The following ZBTB7A variants were observed in gnomAD, a reference collection of about 807,000 sequenced individuals.
ZBTB7A encodes zinc finger and BTB domain containing 7A.
Under a neutral mutation model 26.7 loss-of-function variants are expected in ZBTB7A, and 7 were observed. That is an observed-to-expected ratio of 0.26 (90% CI 0.15 to 0.49). The LOEUF is 0.49. Among genes scored for constraint, ZBTB7A ranks in the 20% least tolerant of loss-of-function variants. ZBTB7A has a pLI of 0.98. For missense variants in ZBTB7A, 617 were observed against 919.5 expected, an observed-to-expected ratio of 0.67 and a Z score of 4.25; for synonymous variants, 452 against 441.0, an observed-to-expected ratio of 1.02 and a Z score of -0.31.
At position 4,047,626 on chromosome 19, in the gene ZBTB7A, T is replaced by G. The variant is rs905541452; in HGVS notation, c.*126A>C. On this transcript the variant is annotated 3_prime_UTR_variant, in exon 3 of 3. Transcript: ENST00000322357. The stretch of plus-strand genomic sequence containing the variant: ...ATATATATATATCTGTATATATATA[T>G]ATAGATATAGATATCTGTATATAGA... 9.8e-6 allele frequency: 8 copies of G among 818,846 alleles called. No homozygotes were observed. Among genetic ancestry groups the G allele is most frequent in the African/African-American group, 3.7e-5 (2 of 54,476 alleles). The allele number at this position is 818,846 out of a possible 1,614,324, so 50.7% of individuals were successfully genotyped here. A position where few individuals can be genotyped will look rare whatever the true frequency, so the allele number is the denominator to read the frequency against.
chr19:4,044,072 C>A lies in ZBTB7A; in HGVS notation c.*3680G>T, dbSNP rs1421095200. The stretch of plus-strand genomic sequence containing the variant: ...CCCCGAGGCCCCTGCCTCAGTGTCA[C>A]CACCTGTGAGGTGACCGCTCCTGCC... On this transcript the variant is annotated 3_prime_UTR_variant, in exon 3 of 3. Coordinates refer to ENST00000322357, the MANE Select transcript of ZBTB7A (RefSeq NM_015898.4). Among the ~76,000 whole-genome samples, 6 of 152,050 alleles carry A rather than the reference C, an allele frequency of 3.9e-5. No individual in the cohort carries two copies. Among genetic ancestry groups the A allele is most frequent in the African/African-American group, 1.4e-4 (6 of 41,406 alleles).
At chr19:4,062,552 G>C (rs1164106426) in intron 1 of ZBTB7A, 4 of 152,266 alleles carry the variant, frequency 2.6e-5, no homozygotes, top group Non-Finnish European at 5.9e-5. Flanking sequence ...ATTTGAGCAC[G>C]GGCCGTCTGT....
rs572397920 is a variant in ZBTB7A, at chr19:4,049,760, CA to C, written c.1263-1517del. 6.3e-3 allele frequency among the ~76,000 whole-genome samples: 961 copies of C among 152,294 alleles called. 10 individuals are homozygous for C. Among genetic ancestry groups the C allele is most frequent in the African/African-American group, 0.022 (934 of 41,560 alleles). The stretch of plus-strand genomic sequence containing the variant: ...CCTATCTGGGCTCCACCCTGACGTG[CA>C]AAGGTGCAAAGCACAAGCTACGCTG... On this transcript the variant is annotated intron_variant, in intron 2 of 2. Coordinates refer to ENST00000322357, the MANE Select transcript of ZBTB7A (RefSeq NM_015898.4).
In ZBTB7A at chr19:4,054,933, G is replaced by A. The variant is rs2040561156; in HGVS notation, c.300C>T (p.Ser100=). 1 of 1,611,538 alleles carries A rather than the reference G, an allele frequency of 6.2e-7. No homozygotes were observed. Among genetic ancestry groups the A allele is most frequent in the African/African-American group, 1.3e-5 (1 of 74,902 alleles). ...DFAYTATLTV[S]TANVGDILSA... ...TGAGGATGTCACCCACGTTGGCTGTGCTGACGGTGAGCGTGGCCGTGTAGG... is the reference window on the plus strand; with the variant it reads ...TGAGGATGTCACCCACGTTGGCTGTACTGACGGTGAGCGTGGCCGTGTAGG... The change falls in exon 2 of 3, where the codon AGC becomes AGT. Residue 100 remains serine, a synonymous_variant. Coordinates refer to ENST00000322357, the MANE Select transcript of ZBTB7A (RefSeq NM_015898.4).
chr19:4,049,162 GTGTGTGTATATATATATATATATATATA>G (rs1178333815), intron 2 of ZBTB7A, among the ~76,000 whole-genome samples: 1 of 18,440 alleles, frequency 5.4e-5, no homozygotes, highest in African/African-American at 9.9e-5. Context: ...GTGTGTGTGT[GTGTGTGTATATATATATATATATATATA>G]TATATATATA....
At position 4,044,681 on chromosome 19, in the gene ZBTB7A, T is replaced by C. The variant is rs2040391557; in HGVS notation, c.*3071A>G. On this transcript the variant is annotated 3_prime_UTR_variant, in exon 3 of 3. Transcript: ENST00000322357. ...TTTCGCATTGTTTTTCTTTTTTTTT[T>C]TTCTCTTTTTTTTTTTGTACCAGGC... The C allele has an allele frequency of 6.9e-6, 1 of 145,578 alleles. No individual in the cohort carries two copies. Among genetic ancestry groups the C allele is most frequent in the South Asian group, 2.1e-4 (1 of 4,774 alleles). 9.0% of individuals were successfully genotyped at this position (145,578 alleles called of 1,614,324 possible).
chr19:4,059,981 C>T (rs948982893), intron 1 of ZBTB7A, among the ~76,000 whole-genome samples: 2 of 152,222 alleles, frequency 1.3e-5, no homozygotes, highest in African/African-American at 2.4e-5. Context: ...CCAGGAAGCC[C>T]CGGCCCCACG....
intron 2 of ZBTB7A, among the ~76,000 whole-genome samples, chr19:4,049,846 TCA>T (rs943416020): frequency 1.3e-5 from 2 of 152,184 alleles, no homozygotes; most frequent in Admixed American, 6.5e-5. Context: ...TCCTGGATCT[TCA>T]CAGTCAAATT....
chr19:4,048,637 C>G lies in ZBTB7A; in HGVS notation c.1263-393G>C, dbSNP rs2095365145. Among the ~76,000 whole-genome samples the G allele has an allele frequency of 6.6e-6, 1 of 151,786 alleles. No homozygotes were observed. Among genetic ancestry groups the G allele is most frequent in the South Asian group, 2.1e-4 (1 of 4,800 alleles). On this transcript the variant is annotated intron_variant, in intron 2 of 2. Coordinates refer to ENST00000322357, the MANE Select transcript of ZBTB7A (RefSeq NM_015898.4). The surrounding 1 kb of genome is among the most constrained non-coding windows in gnomAD (Gnocchi z 6.7). ...CTTGAGGCCAGGAGTTCGAGACCAGCCTGATCGACACGGTGAAACCCTGTC... is the reference window on the plus strand; with the variant it reads ...CTTGAGGCCAGGAGTTCGAGACCAGGCTGATCGACACGGTGAAACCCTGTC...
intron 2 of ZBTB7A, among the ~76,000 whole-genome samples, chr19:4,049,188 A>ATG: frequency 3.5e-5 from 1 of 28,740 alleles, no homozygotes; most frequent in South Asian, 1.1e-3. Context: ...ATATATATAT[A>ATG]TATATATATA....
In ZBTB7A at chr19:4,047,336, T is replaced by TC. The variant is rs142143832; in HGVS notation, c.*415dup. 0.2 allele frequency: 29,335 copies of TC among 150,212 alleles called. 3,024 individuals carry two copies. The highest frequency in any genetic ancestry group is 0.27 in the African/African-American group (11,197 of 40,846). The allele number at this position is 150,212 out of a possible 1,614,324, so 9.3% of individuals were successfully genotyped here. On this transcript the variant is annotated 3_prime_UTR_variant, in exon 3 of 3. Coordinates refer to ENST00000322357, the MANE Select transcript of ZBTB7A (RefSeq NM_015898.4). Reference sequence around the variant, plus strand: ...GGAGGAAATTAAAAGCCCACCCCAGTCCCCCCCCAGCGCCCCCACGTCTAC... The same window carrying TC: ...GGAGGAAATTAAAAGCCCACCCCAGTCCCCCCCCCAGCGCCCCCACGTCTAC...
At position 4,063,346 on chromosome 19, in the gene ZBTB7A, T is replaced by A. The variant is rs115600503; in HGVS notation, c.-16+3336A>T. On this transcript the variant is annotated intron_variant, in intron 1 of 2. Transcript: ENST00000322357. Reference sequence around the variant, plus strand: ...CCCTTGAGGAGCCCTCCTTGGAGCATCTGGGCTGCAGTGGGCTGGCTCTGG... The same window carrying A: ...CCCTTGAGGAGCCCTCCTTGGAGCAACTGGGCTGCAGTGGGCTGGCTCTGG... Among the ~76,000 whole-genome samples, 587 of 152,276 alleles carry A rather than the reference T, an allele frequency of 3.9e-3. 5 individuals are homozygous for A. Among genetic ancestry groups the A allele is most frequent in the African/African-American group, 0.014 (565 of 41,554 alleles).
chr19:4,049,168 G>GTGTGTGTATATATATATA (rs1403864466), intron 2 of ZBTB7A, among the ~76,000 whole-genome samples: 2 of 14,960 alleles, frequency 1.3e-4, no homozygotes, highest in Non-Finnish European at 2.3e-4. Context: ...GTGTGTGTGT[G>GTGTGTGTATATATATATA]TATATATATA....
rs1193596159 is a variant in ZBTB7A at position 4,052,745 on chromosome 19, T to C, written c.1262+1226A>G. On this transcript the variant is annotated intron_variant, in intron 2 of 2. Transcript: ENST00000322357. This position sits in a 1 kb window ranked among gnomAD's most constrained non-coding sequence, Gnocchi z 4.9. ...GCCCAGCCAGCCACCTCTGGACTCC[T>C]GAGACCGAATTGCAAACTGCCCGGG... 6.6e-6 allele frequency among the ~76,000 whole-genome samples: 1 copy of C among 152,090 alleles called. No homozygotes were observed. The highest frequency in any genetic ancestry group is 2.4e-5 in the African/African-American group (1 of 41,434).
At chr19:4,057,056 A>C (rs909674907) in intron 1 of ZBTB7A, among the ~76,000 whole-genome samples, 1 of 147,534 alleles carries the variant, frequency 6.8e-6, no homozygotes, top group Non-Finnish European at 1.5e-5. Context: ...AAGAAAAAGA[A>C]AAAAAAAAAG....
intron 1 of ZBTB7A, among the ~76,000 whole-genome samples, chr19:4,057,571 T>C (rs2040593583): frequency 6.6e-6 from 1 of 151,848 alleles, no homozygotes; most frequent in Non-Finnish European, 1.5e-5. Flanking sequence ...GGGTGGATCA[T>C]GAGGTCAAGA....
rs1255689092 is a variant in ZBTB7A, at chr19:4,044,531, A to C, written c.*3221T>G. 5 of 148,674 alleles carry C rather than the reference A, an allele frequency of 3.4e-5. No individual in the cohort carries two copies. The highest frequency in any genetic ancestry group is 2.0e-4 in the East Asian group (1 of 5,038). 9.2% of individuals were successfully genotyped at this position (148,674 alleles called of 1,614,324 possible). A position where few individuals can be genotyped will look rare whatever the true frequency, so the allele number is the denominator to read the frequency against. The stretch of plus-strand genomic sequence containing the variant: ...TGCAGACGGGGGCTCCGGCCCGGCC[A>C]CCTCCCCGGCCCCCGGGCGCCCCCG... On this transcript the variant is annotated 3_prime_UTR_variant, in exon 3 of 3. Transcript: ENST00000322357.
rs372778849 is a variant in ZBTB7A, at chr19:4,059,021, C to T, written c.-15-3774G>A. 7.2e-5 allele frequency among the ~76,000 whole-genome samples: 11 copies of T among 152,208 alleles called. No homozygotes were observed. In the East Asian group the frequency reaches 7.7e-4, roughly 11 times the overall value. Reference sequence around the variant, plus strand: ...GAGGGGAGCGACCCCACCCAAGGCTCGGCCCTGGGAAGCCTCCGAGGAGTC... The same window carrying T: ...GAGGGGAGCGACCCCACCCAAGGCTTGGCCCTGGGAAGCCTCCGAGGAGTC... On this transcript the variant is annotated intron_variant, in intron 1 of 2. Coordinates refer to ENST00000322357, the MANE Select transcript of ZBTB7A (RefSeq NM_015898.4).
Position 4,052,844 on chromosome 19 carries a change from G to A in ZBTB7A, c.1262+1127C>T, listed in dbSNP as rs2040518248. On this transcript the variant is annotated intron_variant, in intron 2 of 2. Coordinates refer to ENST00000322357, the MANE Select transcript of ZBTB7A (RefSeq NM_015898.4). This position sits in a 1 kb window ranked among gnomAD's most constrained non-coding sequence, Gnocchi z 4.9. ...GGGGGGCACAGTGATCTCTCAAGCTGAGCTGGCCTCAGGGCCTCTGCACTG... is the reference window on the plus strand; with the variant it reads ...GGGGGGCACAGTGATCTCTCAAGCTAAGCTGGCCTCAGGGCCTCTGCACTG... Among the ~76,000 whole-genome samples, 1 of 152,220 alleles carries A rather than the reference G, an allele frequency of 6.6e-6. No homozygotes were observed. Among genetic ancestry groups the A allele is most frequent in the Admixed American group, 6.5e-5 (1 of 15,286 alleles).
Sources: allele counts gnomAD v4.1 joint callset (sites outside exome capture counted in the v4.1 genomes callset), GRCh38; gene constraint gnomAD v4.1.1; non-coding constraint Gnocchi (gnomAD v3.1); transcripts MANE v1.5; gene names NCBI Gene and HGNC (gene_info 2026-07-23, HGNC 2026-07-21).